Variants in PLG observed in about 807,000 individuals in gnomAD.
PLG encodes the protein plasminogen.
A neutral mutation model predicts 104.4 loss-of-function variants in PLG; 41 were observed. The ratio of observed to expected loss-of-function variants is 0.39; its 90% CI spans 0.31 to 0.51. The LOEUF is 0.51. Among genes scored for constraint, PLG ranks in the 20% least tolerant of loss-of-function variants. PLG has a pLI of 0.76. For missense variants in PLG, 891 were observed against 1,003.6 expected, an observed-to-expected ratio of 0.89 and a Z score of 1.52; for synonymous variants, 337 against 357.1, an observed-to-expected ratio of 0.94 and a Z score of 0.63.
chr6:160,748,339 A>G (rs531006414), intron 17 of PLG, among the ~76,000 whole-genome samples: 12 of 138,104 alleles, frequency 8.7e-5, no homozygotes, highest in African/African-American at 3.1e-4. Context: ...GGAAAGAAGG[A>G]AGAAAAGAAA....
Position 160,713,109 on chromosome 6 carries a change from C to T in PLG, c.531C>T (p.Asp177=). 6.2e-7 allele frequency: 1 copy of T among 1,610,434 alleles called. No homozygotes were observed. Among genetic ancestry groups the T allele is most frequent in the Non-Finnish European group, 8.5e-7 (1 of 1,178,440 alleles). ...TDPEKRYDYC[D]ILECEEECMH... is the part of the protein sequence containing the mutation. ...CAGAAAAGAGATATGACTACTGCGACATTCTTGAGTGTGAAGGTCAGGAGT... is the reference window on the plus strand; with the variant it reads ...CAGAAAAGAGATATGACTACTGCGATATTCTTGAGTGTGAAGGTCAGGAGT... The change falls in exon 5 of 19, where the codon GAC becomes GAT. Residue 177 remains aspartate, a synonymous_variant. Transcript: ENST00000308192.
intron 17 of PLG, among the ~76,000 whole-genome samples, chr6:160,747,565 A>G (rs1399897498): frequency 1.3e-5 from 2 of 152,118 alleles, no homozygotes; most frequent in East Asian, 3.9e-4. Context: ...AAAACCCAGC[A>G]TTTTCAAGTG....
chr6:160,749,087 C>G (rs1332232682), intron 17 of PLG, among the ~76,000 whole-genome samples: 2 of 152,210 alleles, frequency 1.3e-5, no homozygotes, highest in Non-Finnish European at 1.5e-5. Context: ...CTCTACAATT[C>G]CTCAACTGAT....
At position 160,753,829 on chromosome 6, in the gene PLG, TAC is replaced by T. The variant is rs2115191461; in HGVS notation, c.*773_*774del. Among the ~76,000 whole-genome samples, 1 of 152,294 alleles carries T rather than the reference TAC, an allele frequency of 6.6e-6. No individual in the cohort carries two copies. The highest frequency in any genetic ancestry group is 2.1e-4 in the South Asian group (1 of 4,822). ...TGCCCGGTTTTGAAACAGTCTGCAG[TAC>T]ACACGGTCACAGGAGAATGACCTGT... On this transcript the variant is annotated 3_prime_UTR_variant, in exon 19 of 19. Transcript: ENST00000308192. This position sits in a 1 kb window ranked among gnomAD's most constrained non-coding sequence, Gnocchi z 5.4.
chr6:160,747,783 G>T (rs1562383014), intron 17 of PLG, among the ~76,000 whole-genome samples: 1 of 152,116 alleles, frequency 6.6e-6, no homozygotes, highest in Non-Finnish European at 1.5e-5. Context: ...GAGCATTGAG[G>T]CCAAGTAAAA....
Position 160,718,595 on chromosome 6 carries a change from C to CTTTA in PLG, c.951-97_951-94dup, listed in dbSNP as rs1777782628. On this transcript the variant is annotated intron_variant, in intron 8 of 18. Transcript: ENST00000308192. ...TCTAGTCATAAGTAAAGGAAATGAACTTTAGCACGTTTTTTCCCGTAACGG... is the reference window on the plus strand; with the variant it reads ...TCTAGTCATAAGTAAAGGAAATGAACTTTATTTAGCACGTTTTTTCCCGTAACGG... The CTTTA allele has an allele frequency of 3.9e-5, 56 of 1,421,446 alleles. No homozygotes were observed. The South Asian group carries it at 6.0e-4, about 15-fold the overall frequency. 88.1% of individuals were successfully genotyped at this position (1,421,446 alleles called of 1,614,324 possible). A position where few individuals can be genotyped will look rare whatever the true frequency, so the allele number is the denominator to read the frequency against.
chr6:160,725,602 A>G lies in PLG; in HGVS notation c.1256+3035A>G, dbSNP rs1897109. On this transcript the variant is annotated intron_variant, in intron 10 of 18. Transcript: ENST00000308192. This position sits in a 1 kb window ranked among gnomAD's most constrained non-coding sequence, Gnocchi z 6.3. ...ATGGTACACTTAAACTGAACTGAAAATATATTTAATATACTCCTAAGCATA... is the reference window on the plus strand; with the variant it reads ...ATGGTACACTTAAACTGAACTGAAAGTATATTTAATATACTCCTAAGCATA... Among the ~76,000 whole-genome samples the G allele has an allele frequency of 0.086, 13,015 of 152,184 alleles. 1,466 individuals carry two copies. Among genetic ancestry groups the G allele is most frequent in the Middle Eastern group, 0.28 (81 of 294 alleles).
chr6:160,712,957 T>A, intron 4 of PLG, 29 bp from the exon 5 acceptor site: 1 of 1,591,778 alleles, frequency 6.3e-7, no homozygotes, highest in Non-Finnish European at 8.6e-7. Context: ...TAGAATATAG[T>A]CTAAGTGCTT....
In PLG at chr6:160,738,326, C is replaced by T. The variant is rs373816650; in HGVS notation, c.1803-212C>T. ...CCATGCCTGTGCCTCCCCCAAGCAT[C>T]GGAAAAATTGGCATAGATGGGCCCT... On this transcript the variant is annotated intron_variant, in intron 14 of 18. Coordinates refer to ENST00000308192, the MANE Select transcript of PLG (RefSeq NM_000301.5). The surrounding 1 kb of genome is among the most constrained non-coding windows in gnomAD (Gnocchi z 6.8). The T allele has an allele frequency of 6.1e-5, 35 of 571,538 alleles. No individual in the cohort carries two copies. The highest frequency in any genetic ancestry group is 5.6e-4 in the African/African-American group (30 of 53,762). 35.4% of individuals were successfully genotyped at this position (571,538 alleles called of 1,614,324 possible). A position where few individuals can be genotyped will look rare whatever the true frequency, so the allele number is the denominator to read the frequency against.
At position 160,731,229 on chromosome 6, in the gene PLG, G is replaced by A. The variant is rs121918032; in HGVS notation, c.1435G>A (p.Glu479Lys). ...TCCAGATGTAGAGACTCCTTCCGAA[G>A]AAGGTAAGAAATCTGTGGCTGGACA... Reference protein sequence around the residue: ...LLPDVETPSEEDCMFGNGKGY... With the variant: ...LLPDVETPSEKDCMFGNGKGY... Residue 479 changes from glutamate (E) to lysine (K), a missense_variant, in exon 11 of 19, where the codon GAA becomes AAA. Coordinates refer to ENST00000308192, the MANE Select transcript of PLG (RefSeq NM_000301.5). The surrounding 1 kb of genome is among the most constrained non-coding windows in gnomAD (Gnocchi z 5.1). 1 of 1,612,602 alleles carries A rather than the reference G, an allele frequency of 6.2e-7. No individual in the cohort carries two copies. The highest frequency in any genetic ancestry group is 8.5e-7 in the Non-Finnish European group (1 of 1,179,156).
In PLG at chr6:160,744,605, A is replaced by T. The variant is rs1778248775; in HGVS notation, c.2125+3188A>T. 1.3e-5 allele frequency among the ~76,000 whole-genome samples: 2 copies of T among 152,130 alleles called. 1 individual carries two copies. The highest frequency in any genetic ancestry group is 2.9e-5 in the Non-Finnish European group (2 of 68,010). On this transcript the variant is annotated intron_variant, in intron 17 of 18. Transcript: ENST00000308192. The surrounding 1 kb of genome is among the most constrained non-coding windows in gnomAD (Gnocchi z 4.5). The stretch of plus-strand genomic sequence containing the variant: ...CCTATCTTATTACTGTTTTCAAAAA[A>T]CCAACTACTGGACTTGTTGATCTTT...
At chr6:160,704,783 G>A (rs532492325) in intron 1 of PLG, among the ~76,000 whole-genome samples, 8 of 152,286 alleles carry the variant, frequency 5.3e-5, no homozygotes, top group East Asian at 3.9e-4. Flanking sequence ...GACTTTGGCC[G>A]AGGACTTTGC....
intron 1 of PLG, among the ~76,000 whole-genome samples, chr6:160,703,381 A>C (rs1777458507): frequency 6.6e-6 from 1 of 152,192 alleles, no homozygotes; most frequent in Non-Finnish European, 1.5e-5. Flanking sequence ...ATCAGAATAA[A>C]TTTTAAAACT....
chr6:160,752,409 C>T lies in PLG; in HGVS notation c.2271+149C>T, dbSNP rs1778418868. The T allele has an allele frequency of 2.8e-6, 2 of 713,164 alleles. No individual in the cohort carries two copies. Among genetic ancestry groups the T allele is most frequent in the Admixed American group, 4.4e-5 (2 of 45,172 alleles). The allele number at this position is 713,164 out of a possible 1,614,324, so 44.2% of individuals were successfully genotyped here. A position where few individuals can be genotyped will look rare whatever the true frequency, so the allele number is the denominator to read the frequency against. On this transcript the variant is annotated intron_variant, in intron 18 of 18. Coordinates refer to ENST00000308192, the MANE Select transcript of PLG (RefSeq NM_000301.5). The surrounding 1 kb of genome is among the most constrained non-coding windows in gnomAD (Gnocchi z 4.7). The stretch of plus-strand genomic sequence containing the variant: ...TGTTTAGAAACTTCCTAGATCTGTC[C>T]CTGAATGCGTATTCAGATCATCTAA...
chr6:160,720,410 CTTTTTTTTTTTTTT>C (rs3057066), intron 9 of PLG, among the ~76,000 whole-genome samples: 1 of 58,520 alleles, frequency 1.7e-5, no homozygotes, highest in African/African-American at 7.7e-5. Context: ...CTTTTCTTTT[CTTTTTTTTTTTTTT>C]TTTTTTTTTT....
rs1777878653 is a variant in PLG, at chr6:160,723,512, C to T, written c.1256+945C>T. The stretch of plus-strand genomic sequence containing the variant: ...GAAGAACAAGGAGATGGAGCCCAAG[C>T]CGACCACAGCAGTCTTGCTGAACTG... On this transcript the variant is annotated intron_variant, in intron 10 of 18. Coordinates refer to ENST00000308192, the MANE Select transcript of PLG (RefSeq NM_000301.5). This position sits in a 1 kb window ranked among gnomAD's most constrained non-coding sequence, Gnocchi z 4.7. Among the ~76,000 whole-genome samples, 1 of 152,140 alleles carries T rather than the reference C, an allele frequency of 6.6e-6. No homozygotes were observed. The highest frequency in any genetic ancestry group is 1.5e-5 in the Non-Finnish European group (1 of 68,032).
rs991627085 is a variant in PLG at position 160,714,738 on chromosome 6, C to T, written c.548-56C>T. 37 of 1,590,964 alleles carry T rather than the reference C, an allele frequency of 2.3e-5. No homozygotes were observed. The Admixed American group carries it at 4.2e-4, about 18-fold the overall frequency. ...ATTCTGGTTTTTACTCTCTATTTTGCTTCATCCATTTCAGTTTTCTTCTTC... is the reference window on the plus strand; with the variant it reads ...ATTCTGGTTTTTACTCTCTATTTTGTTTCATCCATTTCAGTTTTCTTCTTC... On this transcript the variant is annotated intron_variant, in intron 5 of 18. Coordinates refer to ENST00000308192, the MANE Select transcript of PLG (RefSeq NM_000301.5).
chr6:160,750,122 A>G (rs1778378662), intron 17 of PLG, among the ~76,000 whole-genome samples: 1 of 152,152 alleles, frequency 6.6e-6, no homozygotes, highest in Non-Finnish European at 1.5e-5. Context: ...GGGAAGTTGA[A>G]ATTCTCCTGC....
chr6:160,707,427 A>C (rs758161983), intron 2 of PLG, among the ~76,000 whole-genome samples: 1 of 152,156 alleles, frequency 6.6e-6, no homozygotes, highest in African/African-American at 2.4e-5. Context: ...AATTAAGAAG[A>C]TGAGTGAAGA....
Sources: gnomAD v4.1 joint callset for allele counts (sites outside exome capture counted in the v4.1 genomes callset) on GRCh38, gnomAD v4.1.1 for gene constraint, Gnocchi (gnomAD v3.1) non-coding constraint, MANE v1.5 for transcripts, NCBI Gene and HGNC (gene_info 2026-07-23, HGNC 2026-07-21) for gene names.